The following CEP128 variants were observed in gnomAD, a reference collection of about 807,000 sequenced individuals.
The protein encoded by CEP128 is centrosomal protein 128kDa.
CEP128 carries 132 observed loss-of-function variants against 156.7 expected under a neutral mutation model. The observed-to-expected ratio is 0.84, with a 90% CI of 0.73 to 0.97. CEP128 has a LOEUF of 0.97. Ranked by LOEUF, CEP128 falls within the 50% of genes least tolerant of loss-of-function variation. The pLI, the probability that CEP128 is intolerant of heterozygous loss-of-function variation, is 0.00. For synonymous variants in CEP128, 469 were observed against 448.9 expected (o/e 1.04, Z -0.57); for missense variants, 1,252 against 1,281.9 (o/e 0.98, Z 0.36).
intron 13 of CEP128, among the ~76,000 whole-genome samples, chr14:80,803,360 A>AG (rs1309836290): frequency 6.6e-6 from 1 of 151,966 alleles, no homozygotes; most frequent in Non-Finnish European, 1.5e-5. Context: ...TATGTTAAAA[A>AG]AAAAAAAAAT....
In CEP128 at chr14:80,702,571, T is replaced by C. The variant is rs527491975; in HGVS notation, c.2806+40504A>G. Among the ~76,000 whole-genome samples, 84 of 152,298 alleles carry C rather than the reference T, an allele frequency of 5.5e-4. 5 individuals are homozygous for C. The South Asian group carries it at 0.017, about 31-fold the overall frequency. ...CTTCCTAGATACTATTCAATCACTT[T>C]ACATATATCAGTTCATTTGATACAA... On this transcript the variant is annotated intron_variant, in intron 19 of 24. Transcript: ENST00000555265.
At chr14:80,864,261 T>G (rs1055254782) in intron 8 of CEP128, among the ~76,000 whole-genome samples, 2 of 152,198 alleles carry the variant, frequency 1.3e-5, no homozygotes, top group African/African-American at 4.8e-5. Flanking sequence ...AGTAGTGAAG[T>G]TCTGGGGGAG....
At chr14:80,773,205 A>T (rs1900609560) in intron 16 of CEP128, among the ~76,000 whole-genome samples, 1 of 152,226 alleles carries the variant, frequency 6.6e-6, no homozygotes, top group Non-Finnish European at 1.5e-5. Flanking sequence ...AATGAAAATC[A>T]TCAGTAAAAT....
chr14:80,732,087 C>T (rs981263237), intron 19 of CEP128, among the ~76,000 whole-genome samples: 1 of 152,088 alleles, frequency 6.6e-6, no homozygotes, highest in Non-Finnish European at 1.5e-5. Flanking sequence ...CCCCCATACA[C>T]AAACATCCAT....
intron 19 of CEP128, among the ~76,000 whole-genome samples, chr14:80,616,376 A>G (rs1893211724): frequency 6.6e-6 from 1 of 152,180 alleles, no homozygotes; most frequent in Non-Finnish European, 1.5e-5. Context: ...CATTATATAG[A>G]GATGATTATT....
chr14:80,760,519 G>A (rs1899907361), intron 17 of CEP128, among the ~76,000 whole-genome samples: 1 of 151,952 alleles, frequency 6.6e-6, no homozygotes, highest in Non-Finnish European at 1.5e-5. Flanking sequence ...ACTAATAAAT[G>A]TCAAAATCAA....
chr14:80,647,823 C>T (rs1894728746), intron 19 of CEP128, among the ~76,000 whole-genome samples: 1 of 152,134 alleles, frequency 6.6e-6, no homozygotes, highest in Non-Finnish European at 1.5e-5. Flanking sequence ...ATATTCACTG[C>T]TTCACAGCGA....
chr14:80,663,626 T>C (rs1895489538), intron 19 of CEP128, among the ~76,000 whole-genome samples: 1 of 152,184 alleles, frequency 6.6e-6, no homozygotes, highest in Non-Finnish European at 1.5e-5. Context: ...TGACTGAGCC[T>C]CTTCTCTGTG....
intron 16 of CEP128, among the ~76,000 whole-genome samples, chr14:80,764,057 T>C (rs1053314100): frequency 5.9e-5 from 9 of 152,212 alleles, no homozygotes; most frequent in African/African-American, 2.2e-4. Flanking sequence ...GCCAACTCTC[T>C]TTCATCCACT....
intron 19 of CEP128, among the ~76,000 whole-genome samples, chr14:80,620,090 A>C (rs1381062278): frequency 9.2e-5 from 14 of 152,154 alleles, no homozygotes; most frequent in Non-Finnish European, 1.5e-5. Context: ...GCACCATTGC[A>C]CTCCAGCCTG....
chr14:80,873,740 A>G (rs1382763303), intron 8 of CEP128, among the ~76,000 whole-genome samples: 1 of 152,200 alleles, frequency 6.6e-6, no homozygotes, highest in Non-Finnish European at 1.5e-5. Context: ...CCCACGTGTC[A>G]TGGGAGAAAC....
intron 13 of CEP128, among the ~76,000 whole-genome samples, chr14:80,794,258 T>C (rs1901871377): frequency 6.6e-6 from 1 of 152,240 alleles, no homozygotes; most frequent in Non-Finnish European, 1.5e-5. Context: ...TTCTATGATC[T>C]ATGGCTCAAA....
At chr14:80,577,743 AC>A (rs1458775581) in intron 20 of CEP128, among the ~76,000 whole-genome samples, 3 of 152,014 alleles carry the variant, frequency 2.0e-5, no homozygotes, top group Non-Finnish European at 4.4e-5. Flanking sequence ...CTTATTTCAA[AC>A]CCTTTTCCAA....
chr14:80,953,425 GAC>G, intron 2 of CEP128, among the ~76,000 whole-genome samples: 2 of 151,928 alleles, frequency 1.3e-5, no homozygotes, highest in South Asian at 4.2e-4. Context: ...CTCCACTAAA[GAC>G]ACAAAAAATT....
chr14:80,484,939 G>C (rs1323069993), intron 14 of CEP128, among the ~76,000 whole-genome samples: 1 of 152,070 alleles, frequency 6.6e-6, no homozygotes, highest in Non-Finnish European at 1.5e-5. Context: ...AAAGGGAAAG[G>C]GTAGAGAAAT....
rs755427429 is a variant in CEP128 at position 80,790,620 on chromosome 14, T to C, written c.1560+2140A>G. Among the ~76,000 whole-genome samples the C allele has an allele frequency of 5.5e-4, 83 of 152,048 alleles. 1 individual carries two copies. Among genetic ancestry groups the C allele is most frequent in the Non-Finnish European group, 5.6e-4 (38 of 67,966 alleles). The stretch of plus-strand genomic sequence containing the variant: ...GTGATACGCGATTTGATATTACACA[T>C]CCTTCAGTAATGAAGTAGTTTTGTA... On this transcript the variant is annotated intron_variant, in intron 14 of 24. Coordinates refer to ENST00000555265, the MANE Select transcript of CEP128 (RefSeq NM_152446.5).
chr14:80,784,705 G>T (rs902047838), intron 15 of CEP128, among the ~76,000 whole-genome samples, 190 bp downstream of exon 15: 1 of 152,166 alleles, frequency 6.6e-6, no homozygotes, highest in East Asian at 1.9e-4. Context: ...TGAAATAGGT[G>T]CTCCCAGGTG....
intron 22 of CEP128, among the ~76,000 whole-genome samples, chr14:80,530,011 G>T (rs144336507): frequency 4.6e-5 from 7 of 152,270 alleles, no homozygotes; most frequent in African/African-American, 1.4e-4. Context: ...CAAATAATAT[G>T]TCAGATCTAA....
intron 2 of CEP128, among the ~76,000 whole-genome samples, chr14:80,948,356 T>C (rs1403485131): frequency 6.6e-6 from 1 of 152,220 alleles, no homozygotes; most frequent in East Asian, 1.9e-4. Context: ...TGAAGTTCTT[T>C]TCAGCCACAC....
Sources: allele counts gnomAD v4.1 joint callset (sites outside exome capture counted in the v4.1 genomes callset), GRCh38; gene constraint gnomAD v4.1.1; transcripts MANE v1.5; gene names NCBI Gene and HGNC (gene_info 2026-07-23, HGNC 2026-07-21).